CDH12: variants seen among roughly 807,000 people sequenced by gnomAD.
The protein encoded by CDH12 is cadherin-12.
Under a neutral mutation model 74.1 loss-of-function variants are expected in CDH12, and 41 were observed. The ratio of observed to expected loss-of-function variants is 0.55; its 90% CI spans 0.43 to 0.72. The LOEUF (loss-of-function observed/expected upper bound fraction) is 0.72, where lower values mean the gene tolerates loss of function less well. CDH12 is among the 30% of genes least tolerant of loss of function. The probability of loss-of-function intolerance (pLI) is 0.00; values close to 1 mark genes in which losing one functional copy is unlikely to be tolerated. For missense variants in CDH12, 945 were observed against 977.2 expected, an observed-to-expected ratio of 0.97 and a Z score of 0.44; for synonymous variants, 399 against 355.0, an observed-to-expected ratio of 1.12 and a Z score of -1.39.
chr5:22,075,511 T>C (rs1204019354), intron 5 of CDH12, among the ~76,000 whole-genome samples: 1 of 152,126 alleles, frequency 6.6e-6, no homozygotes, highest in African/African-American at 2.4e-5. Flanking sequence ...ATGGTAAATG[T>C]ATTTGACTTC....
rs573536561 is a variant in CDH12 at position 22,334,432 on chromosome 5, A to C, written c.-333+70825T>G. Among the ~76,000 whole-genome samples, 3 of 152,292 alleles carry C rather than the reference A, an allele frequency of 2.0e-5. No homozygotes were observed. The South Asian group carries it at 6.2e-4, about 32-fold the overall frequency. ...TATTGTTACAATGTCCATACTACCCAAAGCAATCTACAGATTCAATGCAAT... is the reference window on the plus strand; with the variant it reads ...TATTGTTACAATGTCCATACTACCCCAAGCAATCTACAGATTCAATGCAAT... On this transcript the variant is annotated intron_variant, in intron 3 of 14. Coordinates refer to ENST00000382254, the MANE Select transcript of CDH12 (RefSeq NM_004061.5).
At chr5:22,515,716 T>G (rs1425862677) in intron 1 of CDH12, among the ~76,000 whole-genome samples, 1 of 152,040 alleles carries the variant, frequency 6.6e-6, no homozygotes, top group African/African-American at 2.4e-5. Flanking sequence ...AATTAAAAAT[T>G]TTTATATCCC....
chr5:22,493,925 A>C (rs1044274762), intron 2 of CDH12, among the ~76,000 whole-genome samples: 3 of 152,162 alleles, frequency 2.0e-5, no homozygotes, highest in Admixed American at 6.6e-5. Flanking sequence ...CACAGGTTCT[A>C]GGATGAGTGG....
At chr5:22,101,536 T>A (rs1013181540) in intron 4 of CDH12, among the ~76,000 whole-genome samples, 16 of 152,206 alleles carry the variant, frequency 1.1e-4, no homozygotes, top group African/African-American at 3.6e-4. Context: ...CCAGAGTTCC[T>A]GTGGACCATA....
intron 6 of CDH12, among the ~76,000 whole-genome samples, chr5:21,949,722 A>C (rs1015485154): frequency 1.3e-5 from 2 of 152,190 alleles, no homozygotes; most frequent in African/African-American, 4.8e-5. Context: ...ATGTAAAATT[A>C]CAAAAAAACT....
chr5:22,674,228 GATCTGGTGGGAGGTAATTGA>G (rs1741049607), intron 1 of CDH12, among the ~76,000 whole-genome samples: 1 of 152,182 alleles, frequency 6.6e-6, no homozygotes, highest in African/African-American at 2.4e-5. Context: ...TTGTGGGAGG[GATCTGGTGGGAGGTAATTGA>G]ATCATAGGGG....
At chr5:22,074,763 C>T (rs1368581429) in intron 5 of CDH12, among the ~76,000 whole-genome samples, 1 of 152,026 alleles carries the variant, frequency 6.6e-6, no homozygotes, top group Non-Finnish European at 1.5e-5. Context: ...CAATGAGATA[C>T]CATCTCACAC....
At chr5:22,438,423 T>C (rs1335441562) in intron 2 of CDH12, among the ~76,000 whole-genome samples, 1 of 151,980 alleles carries the variant, frequency 6.6e-6, no homozygotes, top group Non-Finnish European at 1.5e-5. Flanking sequence ...CTCACAGAAG[T>C]GATGAGACTA....
At chr5:22,675,094 T>A (rs183880498) in intron 1 of CDH12, among the ~76,000 whole-genome samples, 5 of 152,236 alleles carry the variant, frequency 3.3e-5, no homozygotes, top group Admixed American at 3.3e-4. Flanking sequence ...GGGGAAAATG[T>A]CTCCAGGTTA....
At chr5:22,694,053 T>C (rs895701145) in intron 1 of CDH12, among the ~76,000 whole-genome samples, 3 of 152,108 alleles carry the variant, frequency 2.0e-5, no homozygotes, top group Admixed American at 6.6e-5. Flanking sequence ...TATCTTCCTG[T>C]CTCAGCCTCC....
chr5:22,722,200 T>A (rs1037401476), intron 1 of CDH12, among the ~76,000 whole-genome samples: 1 of 152,194 alleles, frequency 6.6e-6, no homozygotes, highest in Non-Finnish European at 1.5e-5. Flanking sequence ...AACACTAACA[T>A]CTCTTATGCA....
intron 3 of CDH12, among the ~76,000 whole-genome samples, chr5:22,399,270 C>T (rs1010381019): frequency 6.6e-6 from 1 of 151,864 alleles, no homozygotes; most frequent in African/African-American, 2.4e-5. Context: ...TTCAACTCTT[C>T]ACAGTTTTAC....
At chr5:22,539,387 C>A (rs533750955) in intron 1 of CDH12, among the ~76,000 whole-genome samples, 16 of 152,156 alleles carry the variant, frequency 1.1e-4, no homozygotes, top group Admixed American at 9.2e-4. Flanking sequence ...ATAGTTATTG[C>A]CTGATAACTG....
chr5:22,095,111 C>T (rs1743675212), intron 4 of CDH12, among the ~76,000 whole-genome samples: 1 of 152,088 alleles, frequency 6.6e-6, no homozygotes, highest in African/African-American at 2.4e-5. Flanking sequence ...GAGATCAATC[C>T]CCTGTCCTCC....
intron 1 of CDH12, among the ~76,000 whole-genome samples, chr5:22,669,320 A>G (rs1215268152): frequency 6.6e-6 from 1 of 152,222 alleles, no homozygotes; most frequent in Non-Finnish European, 1.5e-5. Context: ...AAGATTAAAC[A>G]TACATATCCA....
chr5:22,381,015 C>A (rs1741737610), intron 3 of CDH12, among the ~76,000 whole-genome samples: 1 of 151,974 alleles, frequency 6.6e-6, no homozygotes, highest in Non-Finnish European at 1.5e-5. Context: ...ACTGAGTTGC[C>A]TATTTTTTTC....
chr5:22,221,848 T>C (rs947416384), intron 3 of CDH12, among the ~76,000 whole-genome samples: 2 of 151,962 alleles, frequency 1.3e-5, no homozygotes, highest in African/African-American at 4.8e-5. Context: ...GTAAATTTGT[T>C]GTATATAATT....
intron 1 of CDH12, chr5:22,580,417 A>G: frequency 2.0e-6 from 1 of 505,438 alleles, no homozygotes; most frequent in Admixed American, 2.1e-5. Flanking sequence ...GCATCCTCAG[A>G]AACATCACCC....
At chr5:22,462,305 G>C (rs1171832140) in intron 2 of CDH12, among the ~76,000 whole-genome samples, 1 of 152,176 alleles carries the variant, frequency 6.6e-6, no homozygotes, top group African/African-American at 2.4e-5. Flanking sequence ...TCAGGAGAAA[G>C]TAGTTAAAAC....
Sources: gnomAD v4.1 joint callset for allele counts (sites outside exome capture counted in the v4.1 genomes callset) on GRCh38, gnomAD v4.1.1 for gene constraint, MANE v1.5 for transcripts, NCBI Gene and HGNC (gene_info 2026-07-23, HGNC 2026-07-21) for gene names.